The following WDR70 variants were observed in gnomAD, a reference collection of about 807,000 sequenced individuals.
WDR70 encodes WD repeat-containing protein 70.
In WDR70, 53 loss-of-function variants were observed where a neutral mutation model predicts 88.6. The ratio of observed to expected loss-of-function variants is 0.60; its 90% confidence interval spans 0.48 to 0.75. The LOEUF is 0.75. Among genes scored for constraint, WDR70 ranks in the 30% least tolerant of loss-of-function variants. WDR70 has a pLI of 0.00. For missense variants in WDR70, 610 were observed against 823.2 expected (o/e 0.74, Z 3.17); for synonymous variants, 280 against 270.0 (o/e 1.04, Z -0.36).
chr5:37,506,217 G>A (rs1581346323), intron 8 of WDR70: 1 of 969,492 alleles, frequency 1.0e-6, no homozygotes, highest in Non-Finnish European at 1.7e-6. Flanking sequence ...TTCTGACTTG[G>A]TTGGAGTTGC....
chr5:37,514,149 G>A (rs1437359633), intron 8 of WDR70, among the ~76,000 whole-genome samples: 1 of 150,982 alleles, frequency 6.6e-6, no homozygotes, highest in Non-Finnish European at 1.5e-5. Flanking sequence ...TAAGTAGCTG[G>A]AACTATAGAT....
At chr5:37,407,518 A>G (rs1749390329) in intron 5 of WDR70, among the ~76,000 whole-genome samples, 1 of 152,080 alleles carries the variant, frequency 6.6e-6, no homozygotes, top group Admixed American at 6.6e-5. Context: ...GTGAGATTCC[A>G]TCTTAAAAAA....
At chr5:37,554,985 C>T (rs1742256705) in intron 9 of WDR70, among the ~76,000 whole-genome samples, 1 of 152,180 alleles carries the variant, frequency 6.6e-6, no homozygotes, top group African/African-American at 2.4e-5. Flanking sequence ...AGCCAGCCAT[C>T]TCTTAGAGTG....
At chr5:37,438,907 C>CA (rs1750566051) in intron 6 of WDR70, among the ~76,000 whole-genome samples, 2 of 31,366 alleles carry the variant, frequency 6.4e-5, no homozygotes, top group Non-Finnish European at 3.2e-4. Flanking sequence ...AGTCCTCATT[C>CA]GTTTTTTTTT....
intron 5 of WDR70, among the ~76,000 whole-genome samples, chr5:37,417,629 C>A (rs546947659): frequency 1.3e-5 from 2 of 151,440 alleles, no homozygotes; most frequent in African/African-American, 4.9e-5. Flanking sequence ...ACCTCAAATT[C>A]CTGGGCTTAA....
At chr5:37,418,985 G>T (rs1176113134) in intron 5 of WDR70, among the ~76,000 whole-genome samples, 3 of 151,668 alleles carry the variant, frequency 2.0e-5, no homozygotes, top group Non-Finnish European at 2.9e-5. Context: ...GCTGGTCTCC[G>T]ACTTCTGGCC....
At chr5:37,441,172 C>T (rs926251146) in intron 6 of WDR70, among the ~76,000 whole-genome samples, 12 of 152,146 alleles carry the variant, frequency 7.9e-5, no homozygotes, top group Admixed American at 2.6e-4. Flanking sequence ...GCATAATGAA[C>T]GTAGAGGCAA....
At chr5:37,539,747 C>T (rs1238208805) in intron 9 of WDR70, among the ~76,000 whole-genome samples, 3 of 152,206 alleles carry the variant, frequency 2.0e-5, no homozygotes, top group Non-Finnish European at 4.4e-5. Flanking sequence ...ATGCCTTTGG[C>T]GAGTCTGCCT....
At chr5:37,582,565 A>C (rs1036769809) in intron 9 of WDR70, among the ~76,000 whole-genome samples, 5 of 152,220 alleles carry the variant, frequency 3.3e-5, no homozygotes, top group Non-Finnish European at 7.3e-5. Flanking sequence ...TAACTCTGCT[A>C]CTACTAACTG....
chr5:37,518,112 A>G (rs1561884309), intron 9 of WDR70, among the ~76,000 whole-genome samples: 1 of 151,546 alleles, frequency 6.6e-6, no homozygotes, highest in Non-Finnish European at 1.5e-5. Context: ...ATGGGGTTTT[A>G]TCATGTTGCA....
rs139281997 is a variant in WDR70, at chr5:37,673,583, AC to A, written c.1093-24062del. Among the ~76,000 whole-genome samples, 107 of 76,194 alleles carry A rather than the reference AC, an allele frequency of 1.4e-3. 3 individuals are homozygous for A. The highest frequency in any genetic ancestry group is 3.2e-3 in the African/African-American group (59 of 18,478). The allele number at this position is 76,194 out of a possible 152,430, so 50.0% of individuals were successfully genotyped here. ...CGCCTGCTATTTTTTGACTTTTCTT[AC>A]CCCCCCCCCACCCTTTTTTTTTCTT... On this transcript the variant is annotated intron_variant, in intron 10 of 17. Coordinates refer to ENST00000265107, the MANE Select transcript of WDR70 (RefSeq NM_018034.4).
intron 10 of WDR70, among the ~76,000 whole-genome samples, chr5:37,632,309 A>G (rs1317422223): frequency 6.6e-6 from 1 of 152,204 alleles, no homozygotes; most frequent in East Asian, 1.9e-4. Context: ...ATACTATACT[A>G]TACCTTTAGT....
At chr5:37,467,226 C>A (rs377361318) in intron 7 of WDR70, among the ~76,000 whole-genome samples, 481 of 135,004 alleles carry the variant, frequency 3.6e-3, no homozygotes, top group Middle Eastern at 0.015. Flanking sequence ...GACTCTGTCT[C>A]AAAAAAAAAA....
chr5:37,506,121 C>T (rs1183610938), intron 8 of WDR70: 3 of 1,128,852 alleles, frequency 2.7e-6, no homozygotes, highest in Non-Finnish European at 4.1e-6. Context: ...ATTGCAGCGG[C>T]TTAAATTGGC....
chr5:37,396,336 T>A, intron 4 of WDR70, 39 bp from the exon 5 acceptor site: 1 of 1,551,216 alleles, frequency 6.4e-7, no homozygotes, highest in Non-Finnish European at 8.7e-7. Flanking sequence ...TGCTCTTCAT[T>A]GCAGCAGAGG....
intron 9 of WDR70, among the ~76,000 whole-genome samples, chr5:37,544,241 G>A (rs1254321575): frequency 6.6e-6 from 1 of 152,144 alleles, no homozygotes; most frequent in Non-Finnish European, 1.5e-5. Context: ...GAATATCCAT[G>A]GAGAAAGAGT....
chr5:37,744,857 C>A (rs1439277157), intron 17 of WDR70, among the ~76,000 whole-genome samples: 1 of 152,054 alleles, frequency 6.6e-6, no homozygotes, highest in African/African-American at 2.4e-5. Flanking sequence ...CTGGAAAACA[C>A]ACTTCAGGAT....
At chr5:37,475,480 C>T (rs568993960) in intron 7 of WDR70, among the ~76,000 whole-genome samples, 111 of 152,054 alleles carry the variant, frequency 7.3e-4, no homozygotes, top group South Asian at 2.7e-3. Context: ...TCAGGTGATC[C>T]AGCTGCCTTG....
chr5:37,570,755 C>T (rs941889972), intron 9 of WDR70, among the ~76,000 whole-genome samples: 5 of 152,138 alleles, frequency 3.3e-5, no homozygotes, highest in Non-Finnish European at 4.4e-5. Context: ...GTAACATGTT[C>T]GTACCCTTTG....
Sources: allele counts gnomAD v4.1 joint callset (sites outside exome capture counted in the v4.1 genomes callset), GRCh38; gene constraint gnomAD v4.1.1; transcripts MANE v1.5; gene names NCBI Gene and HGNC (gene_info 2026-07-23, HGNC 2026-07-21).